The following TBL1XR1 variants were observed in gnomAD, a reference collection of about 807,000 sequenced individuals.
TBL1XR1 encodes the protein TBL1X/Y related 1.
Under a neutral mutation model 66.9 loss-of-function variants are expected in TBL1XR1, and 5 were observed. The ratio of observed to expected loss-of-function variants is 0.07; its 90% CI spans 0.04 to 0.16. The LOEUF is 0.16. TBL1XR1 is among the 10% of genes least tolerant of loss of function. The pLI, the probability that TBL1XR1 is intolerant of heterozygous loss-of-function variation, is 1.00. For missense variants in TBL1XR1, 238 were observed against 623.2 expected, an observed-to-expected ratio of 0.38 and a Z score of 6.58; for synonymous variants, 210 against 206.0, an observed-to-expected ratio of 1.02 and a Z score of -0.17.
At chr3:177,161,558 G>A (rs1732212941) in intron 1 of TBL1XR1, among the ~76,000 whole-genome samples, 1 of 152,056 alleles carries the variant, frequency 6.6e-6, no homozygotes, top group African/African-American at 2.4e-5. Flanking sequence ...TGAAGCGGGT[G>A]GATCACCTGA....
intron 1 of TBL1XR1, among the ~76,000 whole-genome samples, chr3:177,135,216 G>C (rs933132522): frequency 1.3e-4 from 20 of 148,666 alleles, no homozygotes; most frequent in Admixed American, 4.7e-4. Flanking sequence ...TGGCCAGACT[G>C]GTTTCAAACT....
chr3:177,048,894 G>T (rs1443944993), intron 7 of TBL1XR1, among the ~76,000 whole-genome samples: 1 of 152,178 alleles, frequency 6.6e-6, no homozygotes, highest in Non-Finnish European at 1.5e-5. Flanking sequence ...CATTAACATG[G>T]CCAGTGGACC....
intron 9 of TBL1XR1, among the ~76,000 whole-genome samples, chr3:177,046,526 G>C (rs555193190): frequency 1.3e-5 from 2 of 152,154 alleles, no homozygotes; most frequent in Non-Finnish European, 2.9e-5. Context: ...TAGTAAGAGA[G>C]AAGTTCTTGG....
chr3:177,103,445 T>C (rs1724480395), intron 1 of TBL1XR1, among the ~76,000 whole-genome samples: 2 of 152,218 alleles, frequency 1.3e-5, no homozygotes, highest in African/African-American at 4.8e-5. Flanking sequence ...AAACGAAGTA[T>C]TAATTTTAGA....
At chr3:177,109,266 T>C (rs1725266505) in intron 1 of TBL1XR1, among the ~76,000 whole-genome samples, 1 of 152,108 alleles carries the variant, frequency 6.6e-6, no homozygotes, top group Non-Finnish European at 1.5e-5. Flanking sequence ...AAACATTCAA[T>C]CAGAAACAAA....
chr3:177,079,852 A>T (rs1189486330), intron 2 of TBL1XR1: 1 of 151,886 alleles, frequency 6.6e-6, no homozygotes, highest in African/African-American at 2.4e-5. Context: ...GCTGAGTTCC[A>T]TAAAGACAAA....
intron 2 of TBL1XR1, among the ~76,000 whole-genome samples, chr3:177,093,811 C>T (rs991296403): frequency 1.3e-5 from 2 of 152,174 alleles, no homozygotes; most frequent in African/African-American, 4.8e-5. Context: ...TCACCTTATA[C>T]AAAAATCAAC....
chr3:177,201,589 T>C (rs943876257), upstream of TBL1XR1: 2 of 152,216 alleles, frequency 1.3e-5, no homozygotes, highest in Admixed American at 1.3e-4. Flanking sequence ...CTCATTACTA[T>C]ATATATTTTT....
intron 1 of TBL1XR1, among the ~76,000 whole-genome samples, chr3:177,135,333 GTATACA>G (rs1424760953): frequency 5.6e-5 from 3 of 53,818 alleles, no homozygotes; most frequent in Non-Finnish European, 7.4e-5. Flanking sequence ...GTGTGTGTGT[GTATACA>G]TATATATATA....
At chr3:177,085,066 C>T (rs1270862436) in intron 2 of TBL1XR1, among the ~76,000 whole-genome samples, 1 of 152,072 alleles carries the variant, frequency 6.6e-6, no homozygotes, top group Non-Finnish European at 1.5e-5. Context: ...ATCAAAAAAT[C>T]GAAACTAAAT....
chr3:177,191,505 T>G (rs900540961), intron 1 of TBL1XR1, among the ~76,000 whole-genome samples: 2 of 152,216 alleles, frequency 1.3e-5, no homozygotes, highest in Non-Finnish European at 2.9e-5. Flanking sequence ...ACTCAGACTG[T>G]CACAGTACTT....
intron 1 of TBL1XR1, among the ~76,000 whole-genome samples, chr3:177,170,567 T>C (rs909826869): frequency 6.6e-6 from 1 of 152,152 alleles, no homozygotes; most frequent in African/African-American, 2.4e-5. Context: ...AGGCACTCAA[T>C]GATAGAATCG....
chr3:177,109,894 G>A (rs1033240791), intron 1 of TBL1XR1, among the ~76,000 whole-genome samples: 6 of 152,118 alleles, frequency 3.9e-5, no homozygotes, highest in Admixed American at 6.6e-5. Flanking sequence ...CTGTATGCTC[G>A]ATGTTCTGTG....
rs142168793 is a variant in TBL1XR1, at chr3:177,162,661, A to C, written c.-122+34460T>G. 7.9e-3 allele frequency among the ~76,000 whole-genome samples: 1,206 copies of C among 152,300 alleles called. 8 individuals carry two copies. Among genetic ancestry groups the C allele is most frequent in the Middle Eastern group, 0.017 (5 of 294 alleles). ...ACTTAACATCTGTTCATTTTATTGA[A>C]AGTAAATCATACCTCAACTAAAAGA... On this transcript the variant is annotated intron_variant, in intron 1 of 15. Transcript: ENST00000457928.
chr3:177,034,973 T>C (rs759309083), intron 12 of TBL1XR1, among the ~76,000 whole-genome samples: 26 of 151,762 alleles, frequency 1.7e-4, no homozygotes, highest in Non-Finnish European at 2.9e-4. Context: ...AAAGACATGG[T>C]AGGTCCTGCA....
intron 1 of TBL1XR1, among the ~76,000 whole-genome samples, chr3:177,155,358 C>A (rs1560237485): frequency 1.3e-5 from 2 of 152,046 alleles, no homozygotes; most frequent in Non-Finnish European, 2.9e-5. Flanking sequence ...AAAAACATAG[C>A]CACAGACTCC....
intron 1 of TBL1XR1, among the ~76,000 whole-genome samples, chr3:177,110,568 T>C (rs2108717556): frequency 6.6e-6 from 1 of 152,312 alleles, no homozygotes; most frequent in East Asian, 1.9e-4. Context: ...GATAAATGTC[T>C]GTGAAAATGC....
chr3:177,156,392 G>A (rs1345342708), intron 1 of TBL1XR1, among the ~76,000 whole-genome samples: 2 of 151,278 alleles, frequency 1.3e-5, no homozygotes, highest in Admixed American at 6.6e-5. Context: ...CCAGCTACTC[G>A]GGAGGCTGAG....
chr3:177,182,406 C>T (rs1734934936), intron 1 of TBL1XR1, among the ~76,000 whole-genome samples: 1 of 152,104 alleles, frequency 6.6e-6, no homozygotes, highest in Non-Finnish European at 1.5e-5. Flanking sequence ...AAAACTCTGA[C>T]AGCAGGAACA....
Sources: gnomAD v4.1 joint callset for allele counts (sites outside exome capture counted in the v4.1 genomes callset) on GRCh38, gnomAD v4.1.1 for gene constraint, MANE v1.5 for transcripts, NCBI Gene and HGNC (gene_info 2026-07-23, HGNC 2026-07-21) for gene names.